Variants in PDSS2 observed in about 807,000 individuals in gnomAD.
PDSS2 encodes the protein all trans-polyprenyl-diphosphate synthase PDSS2.
A neutral mutation model predicts 44.5 loss-of-function variants in PDSS2; 31 were observed. The observed-to-expected ratio is 0.70, with a 90% CI of 0.52 to 0.94. PDSS2 has a LOEUF of 0.94. PDSS2 is among the 40% of genes least tolerant of loss of function. The probability of loss-of-function intolerance (pLI) is 0.00; values close to 1 mark genes in which losing one functional copy is unlikely to be tolerated. For missense variants in PDSS2, 452 were observed against 482.2 expected (o/e 0.94, Z 0.59); for synonymous variants, 157 against 180.3 (o/e 0.87, Z 1.03).
At chr6:107,225,116 A>C (rs1773741190) in intron 4 of PDSS2, among the ~76,000 whole-genome samples, 2 of 116,312 alleles carry the variant, frequency 1.7e-5, no homozygotes, top group Non-Finnish European at 1.6e-5. Flanking sequence ...GGACGAAGGA[A>C]GCTTCACTAT....
chr6:107,418,091 G>T (rs1780720273), intron 1 of PDSS2, among the ~76,000 whole-genome samples: 1 of 152,152 alleles, frequency 6.6e-6, no homozygotes, highest in African/African-American at 2.4e-5. Flanking sequence ...ATGGCAGGCT[G>T]AATAATTGGC....
At chr6:107,192,215 G>A (rs887288762) in intron 7 of PDSS2, 2 of 297,694 alleles carry the variant, frequency 6.7e-6, no homozygotes, top group East Asian at 9.8e-5. Flanking sequence ...ATCTAAGACC[G>A]AGTGGCAGAT....
At chr6:107,433,834 A>G (rs1248369978) in intron 1 of PDSS2, among the ~76,000 whole-genome samples, 2 of 152,244 alleles carry the variant, frequency 1.3e-5, no homozygotes, top group African/African-American at 2.4e-5. Flanking sequence ...TGAAAAGACA[A>G]CCCACAGAAT....
intron 4 of PDSS2, among the ~76,000 whole-genome samples, chr6:107,213,212 T>C (rs1773288275): frequency 6.6e-6 from 1 of 152,006 alleles, no homozygotes. Context: ...AGTTTCTCCA[T>C]GTTGGCCAGG....
chr6:107,453,403 AG>A (rs2114867923), intron 1 of PDSS2, among the ~76,000 whole-genome samples: 2 of 152,242 alleles, frequency 1.3e-5, no homozygotes, highest in South Asian at 4.1e-4. Context: ...GTTTAGGTCA[AG>A]GTTCATTTTT....
At chr6:107,211,047 G>C (rs1425759701) in intron 5 of PDSS2, among the ~76,000 whole-genome samples, 1 of 151,120 alleles carries the variant, frequency 6.6e-6, no homozygotes, top group Non-Finnish European at 1.5e-5. Flanking sequence ...AAATTCTCCA[G>C]AATTATTCCC....
chr6:107,226,691 A>C, intron 4 of PDSS2, among the ~76,000 whole-genome samples: 1 of 137,630 alleles, frequency 7.3e-6, no homozygotes, highest in Non-Finnish European at 1.5e-5. Flanking sequence ...TTTTTTTGAG[A>C]TGGAGTCTCG....
chr6:107,207,986 T>TTTGTTTTTG (rs1198393452), intron 6 of PDSS2, among the ~76,000 whole-genome samples: 2 of 143,940 alleles, frequency 1.4e-5, no homozygotes, highest in South Asian at 4.5e-4. Context: ...TTGTTTTTTT[T>TTTGTTTTTG]TTTTTTTTTT....
In PDSS2 at chr6:107,432,010, A is replaced by G. The variant is rs183575881; in HGVS notation, c.296+26980T>C. ...ATACAGAACTGCTTCCCTAAACTGC[A>G]GTGCTCTTTATAGAATATTATGCAT... On this transcript the variant is annotated intron_variant, in intron 1 of 7. Coordinates refer to ENST00000369037, the MANE Select transcript of PDSS2 (RefSeq NM_020381.4). Among the ~76,000 whole-genome samples, 301 of 152,336 alleles carry G rather than the reference A, an allele frequency of 2.0e-3. 1 individual carries two copies. Among genetic ancestry groups the G allele is most frequent in the South Asian group, 0.011 (54 of 4,828 alleles).
At chr6:107,206,164 T>C (rs1772968766) in intron 6 of PDSS2, among the ~76,000 whole-genome samples, 1 of 152,146 alleles carries the variant, frequency 6.6e-6, no homozygotes, top group Admixed American at 6.5e-5. Flanking sequence ...CTCTGCCTCC[T>C]GGGCTCAAGT....
chr6:107,294,947 TG>T (rs1203471160), intron 2 of PDSS2, among the ~76,000 whole-genome samples: 3 of 152,190 alleles, frequency 2.0e-5, no homozygotes, highest in Non-Finnish European at 2.9e-5. Context: ...TTCTTTTTTT[TG>T]AGATGGAGTC....
chr6:107,189,544 A>T (rs1772296769), intron 7 of PDSS2, among the ~76,000 whole-genome samples: 1 of 151,686 alleles, frequency 6.6e-6, no homozygotes, highest in Non-Finnish European at 1.5e-5. Context: ...CACCATGTTG[A>T]TCAGGCTGGT....
intron 2 of PDSS2, among the ~76,000 whole-genome samples, chr6:107,324,173 G>A (rs533152318): frequency 6.6e-6 from 1 of 152,166 alleles, no homozygotes; most frequent in African/African-American, 2.4e-5. Context: ...AATAAGTACT[G>A]GTTGTAATGA....
chr6:107,235,741 A>G (rs1295632974), intron 4 of PDSS2, among the ~76,000 whole-genome samples: 1 of 152,232 alleles, frequency 6.6e-6, no homozygotes, highest in Non-Finnish European at 1.5e-5. Context: ...CCAACCCAGG[A>G]AATGACACAG....
intron 1 of PDSS2, among the ~76,000 whole-genome samples, chr6:107,341,283 G>T (rs1319098113): frequency 6.6e-6 from 1 of 152,176 alleles, no homozygotes; most frequent in African/African-American, 2.4e-5. Flanking sequence ...GGATCAGAAA[G>T]CAAAGGAATG....
At chr6:107,452,290 T>G (rs1237074329) in intron 1 of PDSS2, among the ~76,000 whole-genome samples, 6 of 151,418 alleles carry the variant, frequency 4.0e-5, no homozygotes. Context: ...CAGGCTGGAG[T>G]GCAGTGCCGC....
At chr6:107,158,888 C>G (rs1232235882) in intron 7 of PDSS2, among the ~76,000 whole-genome samples, 2 of 152,088 alleles carry the variant, frequency 1.3e-5, no homozygotes, top group East Asian at 3.9e-4. Context: ...ACCGCCACAC[C>G]CAGTCAATTT....
Position 107,212,047 on chromosome 6 carries a change from G to A in PDSS2, c.876+62C>T, listed in dbSNP as rs1250819166. On this transcript the variant is annotated intron_variant, in intron 5 of 7. Transcript: ENST00000369037. Reference sequence around the variant, plus strand: ...AAAGAAGCTTATTAAATGGCAAAAGGTTTCTTGTGTGTCGTTTTAGCTATT... The same window carrying A: ...AAAGAAGCTTATTAAATGGCAAAAGATTTCTTGTGTGTCGTTTTAGCTATT... 11 of 1,392,798 alleles carry A rather than the reference G, an allele frequency of 7.9e-6. No homozygotes were observed. The African/African-American group carries it at 8.5e-5, about 11-fold the overall frequency. 86.3% of individuals were successfully genotyped at this position (1,392,798 alleles called of 1,614,324 possible).
intron 6 of PDSS2, among the ~76,000 whole-genome samples, chr6:107,196,247 C>T (rs1772559029): frequency 1.3e-5 from 2 of 152,212 alleles, no homozygotes; most frequent in Admixed American, 1.3e-4. Flanking sequence ...ACCATAGTAA[C>T]TTCTGCAGAA....
Sources: gnomAD v4.1 joint callset for allele counts (sites outside exome capture counted in the v4.1 genomes callset) on GRCh38, gnomAD v4.1.1 for gene constraint, MANE v1.5 for transcripts, NCBI Gene and HGNC (gene_info 2026-07-23, HGNC 2026-07-21) for gene names.